Variants in TPD52L2 observed in about 807,000 individuals in gnomAD.
TPD52L2 encodes TPD52 like 2, also known as tumor protein D54.
In TPD52L2, 19 loss-of-function variants were observed where a neutral mutation model predicts 24.7. The observed-to-expected ratio is 0.77, with a 90% CI of 0.54 to 1.13. The LOEUF (loss-of-function observed/expected upper bound fraction) is 1.13, where lower values mean the gene tolerates loss of function less well. Among genes scored for constraint, TPD52L2 ranks in the 50% most tolerant of loss-of-function variants. The probability of loss-of-function intolerance (pLI) is 0.00; values close to 1 mark genes in which losing one functional copy is unlikely to be tolerated. For synonymous variants in TPD52L2, 104 were observed against 100.2 expected, an observed-to-expected ratio of 1.04 and a Z score of -0.23; for missense variants, 236 against 250.4, an observed-to-expected ratio of 0.94 and a Z score of 0.39.
At chr20:63,868,249 G>A (rs1450164040) in intron 1 of TPD52L2, among the ~76,000 whole-genome samples, 1 of 152,216 alleles carries the variant, frequency 6.6e-6, no homozygotes. Context: ...TTGGTCAACA[G>A]GGAAAGTGTT....
Position 63,878,753 on chromosome 20 carries a change from G to T in TPD52L2, c.374+2878G>T, listed in dbSNP as rs1034542215. Among the ~76,000 whole-genome samples, 68 of 152,346 alleles carry T rather than the reference G, an allele frequency of 4.5e-4. 1 individual carries two copies. The highest frequency in any genetic ancestry group is 1.2e-3 in the East Asian group (6 of 5,180). ...CCAGGGGACAGCTCACTGGCAGTGG[G>T]ACGAAACCGCTGTCTGTCCAGGGCT... is the stretch of plus-strand genomic sequence containing the variant. On this transcript the variant is annotated intron_variant, in intron 4 of 6. Transcript: ENST00000346249.
Position 63,889,846 on chromosome 20 carries a change from G to A in TPD52L2, c.526-4G>A. ...TTTCTGTCTTCATCTTTTCTCTCCT[G>A]TAGTCTAAGGTTGTGGGTGACAGAG... On this transcript the variant is annotated splice_polypyrimidine_tract_variant and splice_region_variant and intron_variant, in intron 6 of 6. Transcript: ENST00000346249. 6.2e-7 allele frequency: 1 copy of A among 1,613,484 alleles called. No homozygotes were observed. The highest frequency in any genetic ancestry group is 1.1e-5 in the South Asian group (1 of 91,054).
intron 2 of TPD52L2, among the ~76,000 whole-genome samples, chr20:63,870,664 C>T (rs1433364902): frequency 1.3e-5 from 2 of 150,446 alleles, no homozygotes; most frequent in African/African-American, 4.9e-5. Flanking sequence ...GCTGGGACTA[C>T]AGGCGCCCAC....
intron 1 of TPD52L2, among the ~76,000 whole-genome samples, chr20:63,867,884 C>A (rs1407903985): frequency 6.7e-6 from 1 of 148,454 alleles, no homozygotes; most frequent in African/African-American, 2.5e-5. Context: ...GTGATCCGCC[C>A]GCCTCAGCCT....
intron 2 of TPD52L2, 111 bp downstream of exon 2, chr20:63,869,552 C>T (rs1164593647): frequency 7.3e-7 from 1 of 1,364,198 alleles, no homozygotes; most frequent in Non-Finnish European, 1.0e-6. Context: ...TGGGTGGTCA[C>T]CTACCCTGCT....
intron 2 of TPD52L2, among the ~76,000 whole-genome samples, chr20:63,869,816 A>C (rs1295085770): frequency 6.6e-6 from 1 of 152,244 alleles, no homozygotes; most frequent in Non-Finnish European, 1.5e-5. Context: ...CCTGGATCTT[A>C]AGTTTTCTTT....
chr20:63,879,100 G>C (rs1267272376), intron 4 of TPD52L2, among the ~76,000 whole-genome samples: 1 of 152,218 alleles, frequency 6.6e-6, no homozygotes, highest in Non-Finnish European at 1.5e-5. Context: ...GGAGAGGTCA[G>C]AGCCACAGCT....
intron 5 of TPD52L2, among the ~76,000 whole-genome samples, chr20:63,886,551 CGG>C: frequency 6.6e-6 from 1 of 152,006 alleles, no homozygotes; most frequent in East Asian, 1.9e-4. Flanking sequence ...TTAGTAGAGA[CGG>C]GGTTTCACCG....
chr20:63,868,294 A>G (rs1227271506), intron 1 of TPD52L2, among the ~76,000 whole-genome samples: 1 of 152,240 alleles, frequency 6.6e-6, no homozygotes, highest in Non-Finnish European at 1.5e-5. Flanking sequence ...GAGAGAATCG[A>G]AATAGACTGT....
chr20:63,883,525 A>G lies in TPD52L2; in HGVS notation c.476+705A>G, dbSNP rs180987593. Among the ~76,000 whole-genome samples the G allele has an allele frequency of 4.7e-3, 723 of 152,274 alleles. 4 individuals are homozygous for G. Among genetic ancestry groups the G allele is most frequent in the Middle Eastern group, 0.01 (3 of 294 alleles). On this transcript the variant is annotated intron_variant, in intron 5 of 6. Transcript: ENST00000346249. ...GGGCCTCAGGCACGCCTTCTTTCAC[A>G]GGGGTTGTAGGAGTGGATGATATAG...
rs2053155517 is a variant in TPD52L2 at position 63,887,032 on chromosome 20, A to G, written c.477-2158A>G. The G allele has an allele frequency of 2.2e-5, 4 of 178,526 alleles. No individual in the cohort carries two copies. The South Asian group carries it at 4.2e-4, about 19-fold the overall frequency. 11.1% of individuals were successfully genotyped at this position (178,526 alleles called of 1,614,324 possible). A position where few individuals can be genotyped will look rare whatever the true frequency, so the allele number is the denominator to read the frequency against. ...GTCCTGTTTCCTTGTTTTCCTTCAG[A>G]TGGAGTTTTGTCTTGTTTACTACCC... On this transcript the variant is annotated intron_variant, in intron 5 of 6. Coordinates refer to ENST00000346249, the MANE Select transcript of TPD52L2 (RefSeq NM_003288.4).
rs568071170 is a variant in TPD52L2 at position 63,877,369 on chromosome 20, C to G, written c.374+1494C>G. Among the ~76,000 whole-genome samples, 1 of 152,226 alleles carries G rather than the reference C, an allele frequency of 6.6e-6. No individual in the cohort carries two copies. The highest frequency in any genetic ancestry group is 2.1e-4 in the South Asian group (1 of 4,826). ...AGAGACAGGGTTTCATGGTGTTAGC[C>G]AGGATGGTTTCGATCTCCTGACCTC... On this transcript the variant is annotated intron_variant, in intron 4 of 6. Transcript: ENST00000346249. This position sits in a 1 kb window ranked among gnomAD's most constrained non-coding sequence, Gnocchi z 4.1.
chr20:63,866,954 C>CTTT (rs72491050), intron 1 of TPD52L2, among the ~76,000 whole-genome samples: 5 of 139,656 alleles, frequency 3.6e-5, no homozygotes, highest in African/African-American at 1.3e-4. Context: ...GGTCTTTCTA[C>CTTT]TTTTTTTTTT....
intron 1 of TPD52L2, 105 bp downstream of exon 1, chr20:63,865,489 T>C: frequency 7.1e-7 from 1 of 1,414,000 alleles, no homozygotes; most frequent in Non-Finnish European, 9.4e-7. Flanking sequence ...CGGTCTCGGT[T>C]CACCCACCCC....
At chr20:63,887,520 T>C (rs374716558) in intron 5 of TPD52L2, 1 of 1,584,918 alleles carries the variant, frequency 6.3e-7, no homozygotes, top group Non-Finnish European at 8.6e-7. Flanking sequence ...GATCTTGGTG[T>C]TAACTCTTGC....
intron 1 of TPD52L2, among the ~76,000 whole-genome samples, chr20:63,867,826 C>T (rs1159158139): frequency 6.1e-5 from 9 of 147,674 alleles, no homozygotes; most frequent in East Asian, 4.0e-4. Flanking sequence ...AAAAAAGAGA[C>T]GGGGTTTCAC....
intron 4 of TPD52L2, among the ~76,000 whole-genome samples, chr20:63,878,026 G>T (rs2052757032): frequency 6.6e-6 from 1 of 152,296 alleles, no homozygotes; most frequent in Non-Finnish European, 1.5e-5. Flanking sequence ...GGCTTGGGAG[G>T]TGGGGCCTGA....
At chr20:63,880,631 C>T (rs1251975038) in intron 4 of TPD52L2, among the ~76,000 whole-genome samples, 3 of 152,218 alleles carry the variant, frequency 2.0e-5, no homozygotes, top group Non-Finnish European at 4.4e-5. Context: ...TGGCTCACAC[C>T]TGTAATCCCA....
intron 5 of TPD52L2, chr20:63,886,940 G>C (rs900518173): frequency 1.9e-5 from 3 of 160,454 alleles, no homozygotes; most frequent in Non-Finnish European, 2.8e-5. Flanking sequence ...ACTGCGCCGG[G>C]CCCTCAAAGG....
Sources: gnomAD v4.1 joint callset for allele counts (sites outside exome capture counted in the v4.1 genomes callset) on GRCh38, gnomAD v4.1.1 for gene constraint, Gnocchi (gnomAD v3.1) non-coding constraint, MANE v1.5 for transcripts, NCBI Gene and HGNC (gene_info 2026-07-23, HGNC 2026-07-21) for gene names.